Variants in NFKBIZ observed in about 807,000 individuals in gnomAD.
The protein encoded by NFKBIZ is NF-kappa-B inhibitor zeta.
Under a neutral mutation model 76.8 loss-of-function variants are expected in NFKBIZ, and 19 were observed. That is an observed-to-expected ratio of 0.25 (90% CI 0.17 to 0.36). NFKBIZ has a LOEUF of 0.36. Among genes scored for constraint, NFKBIZ ranks in the 10% least tolerant of loss-of-function variants. NFKBIZ has a pLI of 1.00. For synonymous variants in NFKBIZ, 368 were observed against 354.8 expected (o/e 1.04, Z -0.42); for missense variants, 829 against 910.9 (o/e 0.91, Z 1.16).
At chr3:101,856,998 T>C in intron 9 of NFKBIZ, 75 bp from the exon 10 acceptor site, 1 of 1,037,910 alleles carries the variant, frequency 9.6e-7, no homozygotes, top group South Asian at 1.5e-5. Context: ...TTCAGGAGAC[T>C]GGGTGAAAAG....
upstream of NFKBIZ, among the ~76,000 whole-genome samples, chr3:101,847,406 T>G (rs1560085540): frequency 6.6e-6 from 1 of 152,232 alleles, no homozygotes. Context: ...CAGCAAGAAG[T>G]TTTAGGGAAA....
Position 101,855,818 on chromosome 3 carries a change from A to G in NFKBIZ, c.1740A>G (p.Glu580=), listed in dbSNP as rs762747583. The G allele has an allele frequency of 1.3e-5, 21 of 1,614,010 alleles. No individual in the cohort carries two copies. The highest frequency in any genetic ancestry group is 1.5e-5 in the Non-Finnish European group (18 of 1,180,022). ...LQRNQQPHSP[E]VQELLLKNKS... The stretch of plus-strand genomic sequence containing the variant: ...GAAATCAACAGCCTCATTCACCTGA[A>G]GTTCAGGAGCTTTTACTGAAGAATA... Residue 580 remains glutamate, a synonymous_variant, in exon 9 of 12, where the codon GAA becomes GAG. Coordinates refer to ENST00000326172, the MANE Select transcript of NFKBIZ (RefSeq NM_031419.4).
intron 2 of NFKBIZ, among the ~76,000 whole-genome samples, chr3:101,834,427 C>G (rs1428527504): frequency 6.6e-6 from 1 of 152,042 alleles, no homozygotes; most frequent in Non-Finnish European, 1.5e-5. Flanking sequence ...GTGGCTCTAT[C>G]TTGGCTCACT....
intron 1 of NFKBIZ, chr3:101,829,551 AC>A (rs1226755836): frequency 6.6e-6 from 1 of 152,090 alleles, no homozygotes; most frequent in Non-Finnish European, 1.5e-5. Flanking sequence ...TCCTGAAAAC[AC>A]CATTTTCTTT....
Position 101,860,683 on chromosome 3 carries a change from A to G in NFKBIZ, c.*1312A>G, listed in dbSNP as rs1943120198. 6.6e-6 allele frequency: 1 copy of G among 152,084 alleles called. No homozygotes were observed. Among genetic ancestry groups the G allele is most frequent in the South Asian group, 2.1e-4 (1 of 4,820 alleles). 9.4% of individuals were successfully genotyped at this position (152,084 alleles called of 1,614,324 possible). On this transcript the variant is annotated 3_prime_UTR_variant, in exon 12 of 12. Coordinates refer to ENST00000326172, the MANE Select transcript of NFKBIZ (RefSeq NM_031419.4). The stretch of plus-strand genomic sequence containing the variant: ...CATTCAGAAAAAGTTTTATTTTTTA[A>G]TAACATTCTATTAACATTATTTTGC...
At chr3:101,831,917 T>C (rs1027208053) in intron 2 of NFKBIZ, among the ~76,000 whole-genome samples, 19 of 152,044 alleles carry the variant, frequency 1.2e-4, no homozygotes, top group African/African-American at 4.3e-4. Flanking sequence ...TGCTTTTTTT[T>C]TGAGACAGAG....
At chr3:101,852,659 A>C in intron 2 of NFKBIZ, 79 bp from the exon 3 acceptor site, 2 of 914,520 alleles carry the variant, frequency 2.2e-6, no homozygotes, top group Non-Finnish European at 3.5e-6. Flanking sequence ...AAAGGGTGGT[A>C]GAGATAAGCC....
chr3:101,838,438 G>A (rs1037129539), intron 2 of NFKBIZ, among the ~76,000 whole-genome samples: 2 of 152,200 alleles, frequency 1.3e-5, no homozygotes, highest in Non-Finnish European at 2.9e-5. Flanking sequence ...TTTGCTTAAA[G>A]CAAGGGTTGG....
rs1451570000 is a variant in NFKBIZ, at chr3:101,855,380, T to G, written c.1591-15T>G. Reference sequence around the variant, plus strand: ...GCTTATGTAGCTAACAGATGTCTGTTTTTAAAATCTGCAGGCGATTCAGAA... The same window carrying G: ...GCTTATGTAGCTAACAGATGTCTGTGTTTAAAATCTGCAGGCGATTCAGAA... On this transcript the variant is annotated splice_polypyrimidine_tract_variant and intron_variant, in intron 7 of 11. Coordinates refer to ENST00000326172, the MANE Select transcript of NFKBIZ (RefSeq NM_031419.4). The G allele has an allele frequency of 6.2e-7, 1 of 1,614,130 alleles. No homozygotes were observed. The highest frequency in any genetic ancestry group is 8.5e-7 in the Non-Finnish European group (1 of 1,179,948).
At chr3:101,840,209 G>A (rs1299646843) in intron 2 of NFKBIZ, among the ~76,000 whole-genome samples, 1 of 152,156 alleles carries the variant, frequency 6.6e-6, no homozygotes, top group Non-Finnish European at 1.5e-5. Context: ...AGAGAAAGCA[G>A]AAGAAGCCAT....
chr3:101,849,602 G>A lies in NFKBIZ; in HGVS notation c.-27G>A, dbSNP rs566884318. On this transcript the variant is annotated 5_prime_UTR_variant, in exon 1 of 12. Coordinates refer to ENST00000326172, the MANE Select transcript of NFKBIZ (RefSeq NM_031419.4). ...CAGCGAGCCGGTGGCGCAGGTGTCG[G>A]GGTCCTCGAGCGCCCAGCCTGGGAG... 131 of 1,318,670 alleles carry A rather than the reference G, an allele frequency of 9.9e-5. No individual in the cohort carries two copies. In the African/African-American group the frequency reaches 1.7e-3, roughly 18 times the overall value. 81.7% of individuals were successfully genotyped at this position (1,318,670 alleles called of 1,614,324 possible).
At chr3:101,854,061 C>T (rs905196454) in intron 5 of NFKBIZ, among the ~76,000 whole-genome samples, 198 bp downstream of exon 5, 3 of 152,260 alleles carry the variant, frequency 2.0e-5, no homozygotes, top group Middle Eastern at 3.4e-3. Context: ...AATTTTTTGG[C>T]TGAACAGATA....
upstream of NFKBIZ, chr3:101,849,482 G>T (rs879231300): frequency 3.0e-6 from 2 of 663,484 alleles, no homozygotes; most frequent in Non-Finnish European, 4.2e-6. Context: ...GCTGCGGCCC[G>T]TTAAATACCC....
intron 2 of NFKBIZ, among the ~76,000 whole-genome samples, chr3:101,836,369 C>A (rs963529365): frequency 2.6e-5 from 4 of 152,208 alleles, no homozygotes; most frequent in African/African-American, 7.2e-5. Context: ...GAACTCTCTA[C>A]GTAAAATAAC....
At chr3:101,854,193 G>A (rs1490291708) in intron 5 of NFKBIZ, among the ~76,000 whole-genome samples, 1 of 152,152 alleles carries the variant, frequency 6.6e-6, no homozygotes, top group Non-Finnish European at 1.5e-5. Flanking sequence ...ACTGTGAGTT[G>A]GTTTGTAGAT....
In NFKBIZ at chr3:101,849,553, G is replaced by A. The variant is rs1188390051; in HGVS notation, c.-76G>A. 1.1e-5 allele frequency: 14 copies of A among 1,245,456 alleles called. No individual in the cohort carries two copies. The highest frequency in any genetic ancestry group is 2.0e-6 in the Non-Finnish European group (2 of 983,362). 77.2% of individuals were successfully genotyped at this position (1,245,456 alleles called of 1,614,324 possible). ...CGTCCGCCCGCCGACAGCTCCCTGA[G>A]CCAGCCCGGGAGGCAGCCGCGCGCA... On this transcript the variant is annotated 5_prime_UTR_variant, in exon 1 of 12. Coordinates refer to ENST00000326172, the MANE Select transcript of NFKBIZ (RefSeq NM_031419.4).
At chr3:101,854,465 G>T (rs1276874653) in intron 5 of NFKBIZ, 113 bp from the exon 6 acceptor site, 2 of 641,860 alleles carry the variant, frequency 3.1e-6, no homozygotes, top group African/African-American at 1.9e-5. Flanking sequence ...TGTTTCATTT[G>T]AGTGTACCAA....
At chr3:101,847,096 A>C (rs1331980605), upstream of NFKBIZ, among the ~76,000 whole-genome samples, 1 of 152,280 alleles carries the variant, frequency 6.6e-6, no homozygotes, top group African/African-American at 2.4e-5. Flanking sequence ...GCCTGCCCGC[A>C]TTGGCGAAGG....
rs547559874 is a variant in NFKBIZ at position 101,856,274 on chromosome 3, TCTC to T, written c.1824+375_1824+377del. ...ACCATGTTAGCCAGGATGGTCTCGA[TCTC>T]CTGACCTCGTGATCTGCCCGCCTCG... On this transcript the variant is annotated intron_variant, in intron 9 of 11. Transcript: ENST00000326172. Among the ~76,000 whole-genome samples, 175 of 152,270 alleles carry T rather than the reference TCTC, an allele frequency of 1.1e-3. 1 individual carries two copies. Among genetic ancestry groups the T allele is most frequent in the Non-Finnish European group, 2.2e-3 (148 of 68,018 alleles).
Sources: allele counts gnomAD v4.1 joint callset (sites outside exome capture counted in the v4.1 genomes callset), GRCh38; gene constraint gnomAD v4.1.1; transcripts MANE v1.5; gene names NCBI Gene and HGNC (gene_info 2026-07-23, HGNC 2026-07-21).